The following EYS variants were observed in gnomAD, a reference collection of about 807,000 sequenced individuals.
The protein encoded by EYS is protein eyes shut homolog.
EYS carries 250 observed loss-of-function variants against 282.1 expected under a neutral mutation model. The observed-to-expected ratio is 0.89, with a 90% CI of 0.80 to 0.98. The LOEUF is 0.98. Ranked by LOEUF, EYS falls within the 50% of genes least tolerant of loss-of-function variation. The pLI is 0.00. For synonymous variants in EYS, 1,355 were observed against 1,282.9 expected (o/e 1.06, Z -1.20); for missense variants, 4,016 against 3,709.0 (o/e 1.08, Z -2.15).
At chr6:65,453,117 A>C (rs145833455) in intron 5 of EYS, among the ~76,000 whole-genome samples, 1 of 152,024 alleles carries the variant, frequency 6.6e-6, no homozygotes, top group African/African-American at 2.4e-5. Context: ...TTTCACAGAC[A>C]TATGTGTGGT....
At chr6:64,181,090 C>G (rs1258823103) in intron 31 of EYS, among the ~76,000 whole-genome samples, 1 of 152,028 alleles carries the variant, frequency 6.6e-6, no homozygotes, top group South Asian at 2.1e-4. Context: ...ACTATATAAT[C>G]TTTTGAAGGA....
chr6:64,580,045 T>G (rs1766010347), intron 26 of EYS, among the ~76,000 whole-genome samples: 1 of 152,104 alleles, frequency 6.6e-6, no homozygotes, highest in South Asian at 2.1e-4. Context: ...TCCCAGGGTG[T>G]TTTCCATTCC....
chr6:65,288,136 T>A (rs1037962223), intron 12 of EYS, among the ~76,000 whole-genome samples: 1 of 151,170 alleles, frequency 6.6e-6, no homozygotes. Context: ...TCGTTAAATA[T>A]CTTTAGCCCT....
intron 29 of EYS, among the ~76,000 whole-genome samples, chr6:64,346,123 C>T (rs1049209382): frequency 6.6e-6 from 1 of 152,020 alleles, no homozygotes; most frequent in Non-Finnish European, 1.5e-5. Context: ...ACTAGTTCAA[C>T]CATTGTGGAA....
At chr6:64,292,739 T>G (rs1768761235) in intron 30 of EYS, among the ~76,000 whole-genome samples, 1 of 152,076 alleles carries the variant, frequency 6.6e-6, no homozygotes, top group Admixed American at 6.6e-5. Flanking sequence ...ACGTTGACTT[T>G]TAGGTTGAGG....
At chr6:64,436,291 C>T (rs552319528) in intron 27 of EYS, 26 bp from the exon 28 acceptor site, 10 of 1,346,100 alleles carry the variant, frequency 7.4e-6, no homozygotes, top group Non-Finnish European at 9.3e-6. Context: ...ATTTTGTCCT[C>T]AAACAGTTTT....
intron 1 of EYS, among the ~76,000 whole-genome samples, chr6:65,641,950 AC>A (rs1767289740): frequency 6.6e-6 from 1 of 152,288 alleles, no homozygotes; most frequent in Non-Finnish European, 1.5e-5. Context: ...AGATTTAGAA[AC>A]AACTGAGCTC....
At chr6:65,117,038 C>T (rs1775396480) in intron 12 of EYS, among the ~76,000 whole-genome samples, 1 of 152,178 alleles carries the variant, frequency 6.6e-6, no homozygotes, top group South Asian at 2.1e-4. Context: ...TTAAACTGCA[C>T]TGGCCAGTCA....
intron 31 of EYS, among the ~76,000 whole-genome samples, chr6:64,092,927 TG>T (rs1189829252): frequency 3.3e-5 from 5 of 150,296 alleles, no homozygotes; most frequent in African/African-American, 1.2e-4. Flanking sequence ...AATTAATTTT[TG>T]TATAAGGTGT....
At chr6:65,109,657 TAAA>T (rs111607590) in intron 12 of EYS, among the ~76,000 whole-genome samples, 1 of 136,286 alleles carries the variant, frequency 7.3e-6, no homozygotes, top group African/African-American at 2.6e-5. Context: ...ACTCCTTACA[TAAA>T]AAAAAAAAAA....
chr6:64,622,188 C>A (rs1767466592), intron 23 of EYS, among the ~76,000 whole-genome samples: 1 of 152,096 alleles, frequency 6.6e-6, no homozygotes, highest in South Asian at 2.1e-4. Flanking sequence ...CTGAGCTCCA[C>A]TTGTCAAGTC....
intron 12 of EYS, among the ~76,000 whole-genome samples, chr6:65,278,042 C>CTTTTCTTTTCTTTTCTTTTCTTTTCT (rs1322218616): frequency 7.2e-6 from 1 of 139,566 alleles, no homozygotes; most frequent in African/African-American, 2.7e-5. Flanking sequence ...CTTTTCTTTT[C>CTTTTCTTTTCTTTTCTTTTCTTTTCT]TTTTCTTTTC....
chr6:63,995,708 G>A (rs1294150888), intron 34 of EYS, among the ~76,000 whole-genome samples: 5 of 151,960 alleles, frequency 3.3e-5, no homozygotes, highest in Admixed American at 1.3e-4. Flanking sequence ...AGAAAATGTG[G>A]TATAGTATGA....
chr6:64,789,822 T>G (rs1231010211), intron 22 of EYS, among the ~76,000 whole-genome samples: 1 of 151,860 alleles, frequency 6.6e-6, no homozygotes, highest in Non-Finnish European at 1.5e-5. Flanking sequence ...GCTCAGTAAG[T>G]ATCTGATAAG....
At chr6:63,863,184 A>G (rs1350537965) in intron 36 of EYS, among the ~76,000 whole-genome samples, 3 of 152,240 alleles carry the variant, frequency 2.0e-5, no homozygotes, top group African/African-American at 7.2e-5. Flanking sequence ...TTTATGGTGA[A>G]AATAATGATA....
chr6:65,369,614 C>A (rs1562128077), intron 8 of EYS, among the ~76,000 whole-genome samples: 1 of 151,158 alleles, frequency 6.6e-6, no homozygotes, highest in Non-Finnish European at 1.5e-5. Context: ...CCACTTTCTG[C>A]AACCTAAACT....
intron 22 of EYS, among the ~76,000 whole-genome samples, chr6:64,704,273 G>A (rs979365400): frequency 1.4e-5 from 2 of 147,716 alleles, no homozygotes; most frequent in African/African-American, 2.5e-5. Context: ...ATTTTAATGA[G>A]TATTCTAATA....
chr6:64,950,167 A>G (rs1307405791), intron 14 of EYS, among the ~76,000 whole-genome samples: 2 of 151,984 alleles, frequency 1.3e-5, no homozygotes, highest in African/African-American at 4.8e-5. Context: ...GTGGATTAAT[A>G]TAAGAAAATA....
chr6:65,382,463 G>GTGTGTGTGTC (rs370197303), intron 8 of EYS, among the ~76,000 whole-genome samples: 5,225 of 130,494 alleles, frequency 0.04, 144 homozygotes, highest in African/African-American at 0.11. Context: ...TCCTCTGTGT[G>GTGTGTGTGTC]TGTGTGTGTG....
Sources: allele counts gnomAD v4.1 joint callset (sites outside exome capture counted in the v4.1 genomes callset), GRCh38; gene constraint gnomAD v4.1.1; transcripts MANE v1.5; gene names NCBI Gene and HGNC (gene_info 2026-07-23, HGNC 2026-07-21).